The following KCNC3 variants were observed in gnomAD, a reference collection of about 807,000 sequenced individuals.
The protein encoded by KCNC3 is voltage-gated potassium channel KCNC3.
In KCNC3, 22 loss-of-function variants were observed where a neutral mutation model predicts 43.9. That is an observed-to-expected ratio of 0.50 (90% CI 0.36 to 0.72). The LOEUF is 0.72. Ranked by LOEUF, KCNC3 falls within the 30% of genes least tolerant of loss-of-function variation. KCNC3 has a pLI of 0.00. For missense variants in KCNC3, 829 were observed against 1,073.8 expected (o/e 0.77, Z 3.19); for synonymous variants, 492 against 488.0 (o/e 1.01, Z -0.11).
chr19:50,322,957 C>T lies in KCNC3; in HGVS notation c.1978+18G>A. 6.5e-7 allele frequency: 1 copy of T among 1,550,290 alleles called. No homozygotes were observed. The highest frequency in any genetic ancestry group is 8.7e-7 in the Non-Finnish European group (1 of 1,147,272). On this transcript the variant is annotated intron_variant, in intron 2 of 4. Coordinates refer to ENST00000477616, the MANE Select transcript of KCNC3 (RefSeq NM_004977.3). ...CGGGTCTCCACCTGTGCCCCCGATC[C>T]CTGACGCCCAGGCTCACCTGCCCGG...
Position 50,323,844 on chromosome 19 carries a change from CAGA to C in KCNC3, c.1106_1108del (p.Phe369del). The C allele has an allele frequency of 6.2e-7, 1 of 1,614,156 alleles. No individual in the cohort carries two copies. The highest frequency in any genetic ancestry group is 8.5e-7 in the Non-Finnish European group (1 of 1,180,030). ...TTTAAGAAACTCCACCTTGTCTGGGCAGAAGGTGATGCGCATGAGGAACTCGAA... is the reference window on the plus strand; with the variant it reads ...TTTAAGAAACTCCACCTTGTCTGGGCAGGTGATGCGCATGAGGAACTCGAA... On this transcript the variant is annotated inframe_deletion, in exon 2 of 5. Transcript: ENST00000477616.
chr19:50,331,845 C>G (rs1267056453), upstream of KCNC3, among the ~76,000 whole-genome samples: 2 of 152,018 alleles, frequency 1.3e-5, no homozygotes, highest in African/African-American at 2.4e-5. Context: ...GGGACCCTGT[C>G]CCCCTCTCTC....
At chr19:50,322,250 G>A (rs989162546) in intron 2 of KCNC3, among the ~76,000 whole-genome samples, 21 of 152,114 alleles carry the variant, frequency 1.4e-4, no homozygotes, top group Non-Finnish European at 2.6e-4. Flanking sequence ...AGAAGCACAG[G>A]TAACTTTCTT....
At chr19:50,316,728 C>A (rs1601092544) in intron 4 of KCNC3, among the ~76,000 whole-genome samples, 1 of 151,830 alleles carries the variant, frequency 6.6e-6, no homozygotes, top group South Asian at 2.1e-4. Context: ...AGAGCGAGAC[C>A]CCATTTCAAA....
At position 50,328,308 on chromosome 19, in the gene KCNC3, C is replaced by T; in HGVS notation, c.775G>A (p.Gly259Arg). 1 of 1,144,550 alleles carries T rather than the reference C, an allele frequency of 8.7e-7. No individual in the cohort carries two copies. The highest frequency in any genetic ancestry group is 1.1e-6 in the Non-Finnish European group (1 of 935,740). The allele number at this position is 1,144,550 out of a possible 1,614,324, so 70.9% of individuals were successfully genotyped here. A position where few individuals can be genotyped will look rare whatever the true frequency, so the allele number is the denominator to read the frequency against. Residue 259 changes from glycine to arginine, a missense_variant, in exon 1 of 5, where the codon GGG (glycine) becomes AGG (arginine). By Grantham distance (125) the Gly-to-Arg change is moderately radical. Around this residue, in one of 7 missense-constraint regions of KCNC3, gnomAD observed 60 missense variants for 56.0 expected, o/e 1.07. Transcript: ENST00000477616. Reference sequence around the variant, plus strand: ...GTGCCGCCCGCGCCGCCCGCGCCCCCTGGCGGCCCCCCGGCGCCGCCGCCC... The same window carrying T: ...GTGCCGCCCGCGCCGCCCGCGCCCCTTGGCGGCCCCCCGGCGCCGCCGCCC... Reference protein sequence around the residue: ...DAGGGAGGPPGGAGGAGGTWW... With the variant: ...DAGGGAGGPPRGAGGAGGTWW...
upstream of KCNC3, among the ~76,000 whole-genome samples, chr19:50,333,041 C>A (rs1037808749): frequency 6.6e-6 from 1 of 152,206 alleles, no homozygotes; most frequent in African/African-American, 2.4e-5. Flanking sequence ...CCTCCAAGTA[C>A]CTTGGCCCCG....
Position 50,320,720 on chromosome 19 carries a change from G to A in KCNC3, c.2043C>T (p.Asp681=). The change falls in exon 3 of 5, where the codon GAC becomes GAT. Residue 681 remains aspartate, a synonymous_variant. Transcript: ENST00000477616. ...ALAHEDCPAI[D]QPAMSPEDKS... is the part of the protein sequence containing the mutation. ...TGTCTTCCGGGGACATGGCAGGCTG[G>A]TCAATGGCTGGGCAGTCCTCGTGGG... 1 of 1,613,998 alleles carries A rather than the reference G, an allele frequency of 6.2e-7. No homozygotes were observed. The highest frequency in any genetic ancestry group is 8.5e-7 in the Non-Finnish European group (1 of 1,179,970).
Position 50,328,230 on chromosome 19 carries a change from A to T in KCNC3, c.853T>A (p.Ser285Thr). 2 of 1,194,096 alleles carry T rather than the reference A, an allele frequency of 1.7e-6. No homozygotes were observed. Among genetic ancestry groups the T allele is most frequent in the Admixed American group, 4.4e-5 (1 of 22,532 alleles). 74.0% of individuals were successfully genotyped at this position (1,194,096 alleles called of 1,614,324 possible). A position where few individuals can be genotyped will look rare whatever the true frequency, so the allele number is the denominator to read the frequency against. Residue 285 changes from serine (S) to threonine (T), a missense_variant, in exon 1 of 5, where the codon TCG becomes ACG. Ser to Thr is a moderately conservative substitution (Grantham distance 58). This residue lies in a region of KCNC3 where 157 missense variants were observed against 293.5 expected (regional missense o/e 0.53). Coordinates refer to ENST00000477616, the MANE Select transcript of KCNC3 (RefSeq NM_004977.3). ...GCGCTCACCCTGGCAGCCCGCGACG[A>T]GTAGGGGTCCTCGAAGAGCGCCCAC... is the stretch of plus-strand genomic sequence containing the variant. ...RVWALFEDPY[S>T]SRAARYVAFA...
chr19:50,333,211 A>G (rs543032932), upstream of KCNC3, among the ~76,000 whole-genome samples: 469 of 151,812 alleles, frequency 3.1e-3, 2 homozygotes, highest in African/African-American at 0.011. Context: ...CGAGGTGGGG[A>G]TGGGGGAATC....
In KCNC3 at chr19:50,328,915, CG is replaced by C. The variant is rs1188403392; in HGVS notation, c.167del (p.Pro56ArgfsTer36). 6.7e-5 allele frequency: 56 copies of C among 835,722 alleles called. 1 individual carries two copies. The African/African-American group carries it at 8.0e-4, about 12-fold the overall frequency. 51.8% of individuals were successfully genotyped at this position (835,722 alleles called of 1,614,324 possible). On this transcript the variant is annotated frameshift_variant, in exon 1 of 5. Coordinates refer to ENST00000477616, the MANE Select transcript of KCNC3 (RefSeq NM_004977.3). LOFTEE classifies it high-confidence loss of function. Reference protein sequence around the residue: ...PGPAASPAGPPAPRGPGDRRA... With the variant: ...PGPAASPAGPXAPRGPGDRRA... ...GCCGGTCCCCGGGCCCGCGGGGTGC[CG>C]GGGGGCCCGCCGGGGACGCGGCGGG...
chr19:50,329,732 T>C (rs2037161030), upstream of KCNC3: 1 of 152,410 alleles, frequency 6.6e-6, no homozygotes, highest in Non-Finnish European at 1.5e-5. Context: ...ATGGAGGACT[T>C]TCCCGCGCAA....
chr19:50,313,735 G>C lies in KCNC3; in HGVS notation c.*2380C>G, dbSNP rs1023886399. The C allele has an allele frequency of 4.6e-5, 7 of 152,258 alleles. No homozygotes were observed. The highest frequency in any genetic ancestry group is 1.4e-4 in the African/African-American group (6 of 41,440). 9.4% of individuals were successfully genotyped at this position (152,258 alleles called of 1,614,324 possible). ...GGCCTGAGGCTTTGGGGGTGTCCAA[G>C]AAATGTCAGTTGTGGGAAGGATTTG... On this transcript the variant is annotated 3_prime_UTR_variant, in exon 5 of 5. Transcript: ENST00000477616.
At chr19:50,326,924 G>GA (rs925716152) in intron 1 of KCNC3, among the ~76,000 whole-genome samples, 8 of 146,788 alleles carry the variant, frequency 5.5e-5, no homozygotes, top group East Asian at 1.9e-4. Context: ...TTGCACGGCG[G>GA]GGGGGGAGGT....
At chr19:50,318,991 C>CAA (rs11326559) in intron 4 of KCNC3, among the ~76,000 whole-genome samples, 733 of 70,776 alleles carry the variant, frequency 0.01, 9 homozygotes, top group East Asian at 0.012. Flanking sequence ...AAGACAGTCT[C>CAA]AAAAAAAAAA....
chr19:50,323,146 G>T lies in KCNC3; in HGVS notation c.1807C>A (p.Pro603Thr). Residue 603 changes from proline (P) to threonine (T), a missense_variant, in exon 2 of 5, where the codon CCC becomes ACC. Transcript: ENST00000477616. ...GISPPPPITPPSMGVTVAGAY... is the reference protein window; with the variant it reads ...GISPPPPITPTSMGVTVAGAY... ...CCGGCCACAGTCACCCCCATGGAGG[G>T]TGGGGTGATGGGTGGCGGCGGGCTG... The T allele has an allele frequency of 6.5e-7, 1 of 1,534,606 alleles. No individual in the cohort carries two copies. Among genetic ancestry groups the T allele is most frequent in the South Asian group, 1.2e-5 (1 of 83,770 alleles).
chr19:50,333,009 A>G (rs1304419961), upstream of KCNC3, among the ~76,000 whole-genome samples: 1 of 152,112 alleles, frequency 6.6e-6, no homozygotes, highest in East Asian at 1.9e-4. Flanking sequence ...CTCTCTGCCT[A>G]CGATCCTTCG....
At position 50,315,025 on chromosome 19, in the gene KCNC3, A is replaced by G. The variant is rs1180182988; in HGVS notation, c.*1090T>C. ...GGGGAGGTGTGCAGACACAGGGGGGAAGCACGAAGATGGGGTGCAGGGAAG... is the reference window on the plus strand; with the variant it reads ...GGGGAGGTGTGCAGACACAGGGGGGGAGCACGAAGATGGGGTGCAGGGAAG... On this transcript the variant is annotated 3_prime_UTR_variant, in exon 5 of 5. Transcript: ENST00000477616. The G allele has an allele frequency of 8.2e-6, 2 of 243,244 alleles. No individual in the cohort carries two copies. Among genetic ancestry groups the G allele is most frequent in the Admixed American group, 5.5e-5 (1 of 18,252 alleles). 15.1% of individuals were successfully genotyped at this position (243,244 alleles called of 1,614,324 possible). A position where few individuals can be genotyped will look rare whatever the true frequency, so the allele number is the denominator to read the frequency against.
In KCNC3 at chr19:50,320,741, G is replaced by C. The variant is rs2037022205; in HGVS notation, c.2022C>G (p.His674Gln). The change falls in exon 3 of 5, where the codon CAC (histidine) becomes CAG (glutamine). Residue 674 changes from histidine to glutamine, a missense_variant. Coordinates refer to ENST00000477616, the MANE Select transcript of KCNC3 (RefSeq NM_004977.3). ...NGDPAAAALA[H>Q]EDCPAIDQPA... ...GCTGGTCAATGGCTGGGCAGTCCTC[G>C]TGGGCAAGCGCAGCTGCTGCCGGAT... 2 of 1,613,948 alleles carry C rather than the reference G, an allele frequency of 1.2e-6. No individual in the cohort carries two copies. Among genetic ancestry groups the C allele is most frequent in the Admixed American group, 1.7e-5 (1 of 60,014 alleles).
rs759513213 is a variant in KCNC3, at chr19:50,314,765, A to G, written c.*1350T>C. 4.6e-6 allele frequency: 2 copies of G among 434,226 alleles called. No homozygotes were observed. The highest frequency in any genetic ancestry group is 8.6e-5 in the East Asian group (1 of 11,662). 26.9% of individuals were successfully genotyped at this position (434,226 alleles called of 1,614,324 possible). A position where few individuals can be genotyped will look rare whatever the true frequency, so the allele number is the denominator to read the frequency against. On this transcript the variant is annotated 3_prime_UTR_variant, in exon 5 of 5. Transcript: ENST00000477616. ...ATTAATGACTTTTTGATTTTTTTTA[A>G]AAAAACCCTTTTCCCCACCCCCCAC...
Sources: gnomAD v4.1 joint callset for allele counts (sites outside exome capture counted in the v4.1 genomes callset) on GRCh38, gnomAD v4.1.1 for gene constraint, gnomAD v4.1.1 regional missense constraint, MANE v1.5 for transcripts, NCBI Gene and HGNC (gene_info 2026-07-23, HGNC 2026-07-21) for gene names.